Variants in REEP3 observed in about 807,000 individuals in gnomAD.
REEP3 encodes receptor expression-enhancing protein 3.
A neutral mutation model predicts 41.3 loss-of-function variants in REEP3; 20 were observed. The ratio of observed to expected loss-of-function variants is 0.48; its 90% confidence interval spans 0.34 to 0.70. The LOEUF (loss-of-function observed/expected upper bound fraction) is 0.70, where lower values mean the gene tolerates loss of function less well. Ranked by LOEUF, REEP3 falls within the 30% of genes least tolerant of loss-of-function variation. REEP3 has a pLI of 0.01. For synonymous variants in REEP3, 104 were observed against 101.8 expected, an observed-to-expected ratio of 1.02 and a Z score of -0.13; for missense variants, 271 against 308.8, an observed-to-expected ratio of 0.88 and a Z score of 0.92.
chr10:63,602,075 C>T (rs550239138), intron 5 of REEP3, among the ~76,000 whole-genome samples: 4 of 150,462 alleles, frequency 2.7e-5, no homozygotes, highest in Non-Finnish European at 4.4e-5. Context: ...AATACATTGG[C>T]GGCAATGTAA....
intron 1 of REEP3, among the ~76,000 whole-genome samples, chr10:63,558,879 T>C (rs1414011863): frequency 3.3e-5 from 5 of 152,218 alleles, no homozygotes. Flanking sequence ...TCTTCCATCA[T>C]TCCAATTTTT....
intron 3 of REEP3, among the ~76,000 whole-genome samples, chr10:63,596,921 G>A (rs1335496728): frequency 6.6e-6 from 1 of 152,160 alleles, no homozygotes; most frequent in African/African-American, 2.4e-5. Flanking sequence ...GGGATTACAG[G>A]CGTGAGCACC....
chr10:63,607,517 C>T (rs1420970573), intron 5 of REEP3, among the ~76,000 whole-genome samples: 1 of 152,176 alleles, frequency 6.6e-6, no homozygotes, highest in Non-Finnish European at 1.5e-5. Flanking sequence ...AACCTGTGGC[C>T]ATACCTGTAG....
chr10:63,563,177 C>A (rs1226951978), intron 1 of REEP3, among the ~76,000 whole-genome samples: 8 of 152,208 alleles, frequency 5.3e-5, no homozygotes. Context: ...GCCACCCAGT[C>A]TGTGGTATTT....
chr10:63,574,223 G>T (rs950837168), intron 2 of REEP3, among the ~76,000 whole-genome samples: 1 of 152,122 alleles, frequency 6.6e-6, no homozygotes, highest in African/African-American at 2.4e-5. Context: ...AGATGATTTA[G>T]CAGTTACCCA....
intron 1 of REEP3, among the ~76,000 whole-genome samples, chr10:63,531,030 CT>C (rs1955416579): frequency 6.6e-6 from 1 of 152,138 alleles, no homozygotes; most frequent in African/African-American, 2.4e-5. Context: ...ATACTTACCC[CT>C]ATTACTGAAG....
At chr10:63,526,245 T>G (rs1186215383) in intron 1 of REEP3, among the ~76,000 whole-genome samples, 2 of 152,194 alleles carry the variant, frequency 1.3e-5, no homozygotes, top group Non-Finnish European at 2.9e-5. Flanking sequence ...GAAATCCTAT[T>G]TAGTATCTTC....
intron 6 of REEP3, among the ~76,000 whole-genome samples, chr10:63,618,237 CTTTTTTTT>C (rs60115766): frequency 1.5e-4 from 10 of 66,576 alleles, no homozygotes; most frequent in Non-Finnish European, 2.6e-4. Context: ...TTTCCTTCTT[CTTTTTTTT>C]TTTTTTTTTT....
intron 4 of REEP3, 145 bp downstream of exon 4, chr10:63,598,289 G>C (rs1956135593): frequency 6.2e-6 from 3 of 486,050 alleles, no homozygotes; most frequent in Admixed American, 3.3e-5. Context: ...AGACCAGCCT[G>C]GCCAACATGG....
intron 1 of REEP3, among the ~76,000 whole-genome samples, chr10:63,548,849 A>G (rs982207355): frequency 1.3e-5 from 2 of 152,244 alleles, no homozygotes; most frequent in African/African-American, 4.8e-5. Flanking sequence ...ACTTGATAAC[A>G]TGGTCAACCA....
rs912091477 is a variant in REEP3, at chr10:63,621,594, A to G, written c.*725A>G. 6.6e-6 allele frequency: 1 copy of G among 152,566 alleles called. No homozygotes were observed. Among genetic ancestry groups the G allele is most frequent in the Non-Finnish European group, 1.5e-5 (1 of 68,006 alleles). 9.5% of individuals were successfully genotyped at this position (152,566 alleles called of 1,614,324 possible). A position where few individuals can be genotyped will look rare whatever the true frequency, so the allele number is the denominator to read the frequency against. On this transcript the variant is annotated 3_prime_UTR_variant, in exon 8 of 8. Transcript: ENST00000373758. ...CCTGTGGGTTTCATTTGTTAAATTC[A>G]TTGGATTTTAATAATATAAAAGTAT...
intron 1 of REEP3, among the ~76,000 whole-genome samples, chr10:63,561,267 G>C (rs1219498028): frequency 6.6e-6 from 1 of 152,198 alleles, no homozygotes; most frequent in Non-Finnish European, 1.5e-5. Context: ...ATGTTAAATG[G>C]AAAATGACTA....
intron 1 of REEP3, among the ~76,000 whole-genome samples, chr10:63,536,373 C>T (rs1447224414): frequency 6.6e-6 from 1 of 152,136 alleles, no homozygotes; most frequent in African/African-American, 2.4e-5. Flanking sequence ...GTTGAATGTC[C>T]ATTTCTATTA....
At chr10:63,565,971 G>A (rs898350707) in intron 1 of REEP3, among the ~76,000 whole-genome samples, 3 of 147,396 alleles carry the variant, frequency 2.0e-5, no homozygotes, top group East Asian at 3.9e-4. Context: ...TGCAAGCTCC[G>A]TCCCCTGGGT....
At chr10:63,582,536 T>A (rs1340865687) in intron 2 of REEP3, among the ~76,000 whole-genome samples, 1 of 152,234 alleles carries the variant, frequency 6.6e-6, no homozygotes, top group Non-Finnish European at 1.5e-5. Context: ...ATAGTTGATT[T>A]TAGAAACATC....
intron 1 of REEP3, among the ~76,000 whole-genome samples, chr10:63,526,364 T>G (rs1955364533): frequency 6.6e-6 from 1 of 152,134 alleles, no homozygotes; most frequent in South Asian, 2.1e-4. Flanking sequence ...TGAAATGCAA[T>G]TATAATGCTA....
At chr10:63,539,333 C>A (rs1335278166) in intron 1 of REEP3, among the ~76,000 whole-genome samples, 1 of 152,146 alleles carries the variant, frequency 6.6e-6, no homozygotes, top group Non-Finnish European at 1.5e-5. Context: ...AATTTTCTAA[C>A]CATACTGACC....
intron 1 of REEP3, among the ~76,000 whole-genome samples, chr10:63,526,738 T>G (rs1955368435): frequency 6.6e-6 from 1 of 152,170 alleles, no homozygotes; most frequent in Admixed American, 6.5e-5. Flanking sequence ...TCTTGGTTAC[T>G]TGATAATTTA....
At chr10:63,549,925 G>A (rs1955612646) in intron 1 of REEP3, among the ~76,000 whole-genome samples, 2 of 152,288 alleles carry the variant, frequency 1.3e-5, no homozygotes, top group African/African-American at 4.8e-5. Context: ...GGTTTATATA[G>A]GGCAGTGCTT....
Sources: gnomAD v4.1 joint callset for allele counts (sites outside exome capture counted in the v4.1 genomes callset) on GRCh38, gnomAD v4.1.1 for gene constraint, MANE v1.5 for transcripts, NCBI Gene and HGNC (gene_info 2026-07-23, HGNC 2026-07-21) for gene names.